PCDHGB4: variants seen among roughly 807,000 people sequenced by gnomAD.
The protein encoded by PCDHGB4 is protocadherin gamma subfamily B, 4, also known as protocadherin gamma-B4.
PCDHGB4 carries 38 observed loss-of-function variants against 60.5 expected under a neutral mutation model. That is an observed-to-expected ratio of 0.63 (90% confidence interval 0.48 to 0.82). The LOEUF is 0.82. Among genes scored for constraint, PCDHGB4 ranks in the 40% least tolerant of loss-of-function variants. PCDHGB4 has a pLI of 0.00. For missense variants in PCDHGB4, 1,109 were observed against 1,209.6 expected, an observed-to-expected ratio of 0.92 and a Z score of 1.23; for synonymous variants, 456 against 509.7, an observed-to-expected ratio of 0.89 and a Z score of 1.42.
rs777133589 is a variant in PCDHGB4, at chr5:141,390,020, C to G, written c.2136C>G (p.Arg712=). The stretch of plus-strand genomic sequence containing the variant: ...CCATGATTCTGGCCATTGCCTTGCG[C>G]CTGCGACGCTCCTCCAGCCCCGCCT... ...LVAMILAIAL[R]LRRSSSPASW... Residue 712 remains arginine (R), a synonymous_variant, in exon 1 of 4, where the codon CGC becomes CGG. Transcript: ENST00000519479. 4 of 1,613,930 alleles carry G rather than the reference C, an allele frequency of 2.5e-6. No homozygotes were observed. The African/African-American group carries it at 5.3e-5, about 22-fold the overall frequency.
intron 1 of PCDHGB4, chr5:141,423,851 C>A (rs1311833319): frequency 2.4e-6 from 3 of 1,275,940 alleles, no homozygotes; most frequent in East Asian, 3.1e-5. Context: ...TCTTTCAGAA[C>A]GTTTTTGTGA....
At chr5:141,399,581 A>G (rs375436846) in intron 1 of PCDHGB4, 20 of 1,613,788 alleles carry the variant, frequency 1.2e-5, no homozygotes, top group Non-Finnish European at 1.4e-5. Context: ...CAAGTCTCCT[A>G]CTCTATCATG....
At chr5:141,509,404 A>C (rs1248030362) in intron 3 of PCDHGB4, among the ~76,000 whole-genome samples, 3 of 152,112 alleles carry the variant, frequency 2.0e-5, no homozygotes, top group Non-Finnish European at 4.4e-5. Context: ...CAGGGCCTCC[A>C]GCAGCGAGCC....
In PCDHGB4 at chr5:141,489,621, T is replaced by C. The variant is rs765666746; in HGVS notation, c.2398-5186T>C. 29 of 1,613,978 alleles carry C rather than the reference T, an allele frequency of 1.8e-5. No individual in the cohort carries two copies. The highest frequency in any genetic ancestry group is 1.6e-4 in the Middle Eastern group (1 of 6,084). On this transcript the variant is annotated intron_variant, in intron 1 of 3. Transcript: ENST00000519479. The surrounding 1 kb of genome is among the most constrained non-coding windows in gnomAD (Gnocchi z 4.5). ...TAGAGGTAGAGATCCTGGATCTCAATGACAACTCTCCTAGCTTTGCCACCC... is the reference window on the plus strand; with the variant it reads ...TAGAGGTAGAGATCCTGGATCTCAACGACAACTCTCCTAGCTTTGCCACCC...
At chr5:141,406,255 A>G (rs1456869005) in intron 1 of PCDHGB4, among the ~76,000 whole-genome samples, 1 of 151,948 alleles carries the variant, frequency 6.6e-6, no homozygotes, top group Admixed American at 6.5e-5. Context: ...ACTGGTCTCA[A>G]ACGATCTTCC....
chr5:141,422,156 T>C, intron 1 of PCDHGB4: 2 of 1,573,504 alleles, frequency 1.3e-6, no homozygotes, highest in Non-Finnish European at 8.6e-7. Flanking sequence ...TCTCTGGATT[T>C]TGAAAAATAT....
In PCDHGB4 at chr5:141,500,954, C is replaced by T. The variant is rs536993707; in HGVS notation, c.2457-4439C>T. On this transcript the variant is annotated intron_variant, in intron 2 of 3. Coordinates refer to ENST00000519479, the MANE Select transcript of PCDHGB4 (RefSeq NM_003736.4). Reference sequence around the variant, plus strand: ...CGCCATCTCGGCTCACTGCAAGCTCCACCTCCTGGGTTCAAGCAATTCTCC... The same window carrying T: ...CGCCATCTCGGCTCACTGCAAGCTCTACCTCCTGGGTTCAAGCAATTCTCC... Among the ~76,000 whole-genome samples the T allele has an allele frequency of 2.4e-3, 358 of 152,060 alleles. 1 individual carries two copies. The highest frequency in any genetic ancestry group is 4.1e-3 in the Admixed American group (63 of 15,282).
chr5:141,441,768 T>C, intron 1 of PCDHGB4: 1 of 387,074 alleles, frequency 2.6e-6, no homozygotes. Context: ...CCTGCGCGTG[T>C]TGGTGGACGA....
At chr5:141,463,653 G>T (rs1378583183) in intron 1 of PCDHGB4, among the ~76,000 whole-genome samples, 1 of 151,764 alleles carries the variant, frequency 6.6e-6, no homozygotes. Context: ...GGGTTTCACC[G>T]TGTTAGCCAG....
At position 141,477,891 on chromosome 5, in the gene PCDHGB4, G is replaced by A. The variant is rs750359063; in HGVS notation, c.2398-16916G>A. 130 of 1,614,066 alleles carry A rather than the reference G, an allele frequency of 8.1e-5. 1 individual carries two copies. The highest frequency in any genetic ancestry group is 1.1e-4 in the Non-Finnish European group (125 of 1,180,050). On this transcript the variant is annotated intron_variant, in intron 1 of 3. Coordinates refer to ENST00000519479, the MANE Select transcript of PCDHGB4 (RefSeq NM_003736.4). The surrounding 1 kb of genome is among the most constrained non-coding windows in gnomAD (Gnocchi z 4.9). The stretch of plus-strand genomic sequence containing the variant: ...ACCTCAGCTGGCCACCTAGTGTCAC[G>A]GGTGGTAGGCTGGGACGCGGATGCA...
At chr5:141,473,169 C>T (rs141382764) in intron 1 of PCDHGB4, among the ~76,000 whole-genome samples, 2 of 152,286 alleles carry the variant, frequency 1.3e-5, no homozygotes, top group East Asian at 3.9e-4. Context: ...GGAAGGCCCA[C>T]TGGTAACTTG....
intron 1 of PCDHGB4, among the ~76,000 whole-genome samples, chr5:141,459,678 G>A (rs1240789253): frequency 2.0e-5 from 3 of 152,184 alleles, no homozygotes; most frequent in African/African-American, 7.2e-5. Flanking sequence ...CATGAGCAAT[G>A]CATAAAGCGT....
chr5:141,502,039 G>T (rs2099812498), intron 2 of PCDHGB4, among the ~76,000 whole-genome samples: 1 of 152,126 alleles, frequency 6.6e-6, no homozygotes, highest in South Asian at 2.1e-4. Context: ...CCGCTTGCCT[G>T]CTCTCCCTAC....
At chr5:141,406,109 G>C (rs2094766123) in intron 1 of PCDHGB4, among the ~76,000 whole-genome samples, 1 of 144,746 alleles carries the variant, frequency 6.9e-6, no homozygotes, top group South Asian at 2.2e-4. Flanking sequence ...GTGTCATTCT[G>C]TTGTCCAGGG....
rs757019379 is a variant in PCDHGB4 at position 141,390,006 on chromosome 5, G to T, written c.2122G>T (p.Ala708Ser). 4.5e-5 allele frequency: 73 copies of T among 1,613,888 alleles called. No individual in the cohort carries two copies. Among genetic ancestry groups the T allele is most frequent in the Admixed American group, 1.7e-5 (1 of 60,004 alleles). ...SVLFLVAMIL[A>S]IALRLRRSSS... ...GCTCTTCCTCGTGGCCATGATTCTG[G>T]CCATTGCCTTGCGCCTGCGACGCTC... The change falls in exon 1 of 4, where the codon GCC (alanine) becomes TCC (serine). Residue 708 changes from alanine (A) to serine (S), a missense_variant. Physicochemically the swap from Ala to Ser is moderately conservative, Grantham distance 99. This residue lies in a region of PCDHGB4 where 1,068 missense variants were observed against 1,089.9 expected (regional missense o/e 0.98). Transcript: ENST00000519479.
rs564197257 is a variant in PCDHGB4, at chr5:141,458,715, A to G, written c.2398-36092A>G. On this transcript the variant is annotated intron_variant, in intron 1 of 3. Coordinates refer to ENST00000519479, the MANE Select transcript of PCDHGB4 (RefSeq NM_003736.4). ...CTCCCGAGTAGCTGGGATTACAGGT[A>G]TTCGCCACCACATCCAGCTATTGGT... Among the ~76,000 whole-genome samples the G allele has an allele frequency of 3.9e-5, 6 of 152,082 alleles. No homozygotes were observed. The East Asian group carries it at 9.7e-4, about 25-fold the overall frequency.
intron 1 of PCDHGB4, among the ~76,000 whole-genome samples, chr5:141,467,628 CA>C (rs1301043003): frequency 6.6e-6 from 1 of 152,106 alleles, no homozygotes; most frequent in Non-Finnish European, 1.5e-5. Context: ...TTTGAGATAG[CA>C]TCTTTATCAT....
At chr5:141,475,815 C>T (rs2099373124) in intron 1 of PCDHGB4, 1 of 340,648 alleles carries the variant, frequency 2.9e-6, no homozygotes, top group Non-Finnish European at 5.3e-6. Flanking sequence ...AAGTGAAGTT[C>T]CTGGCGCTAG....
intron 1 of PCDHGB4, chr5:141,428,219 T>C (rs749413221): frequency 8.4e-7 from 1 of 1,195,778 alleles, no homozygotes. Context: ...CACCTAGTCT[T>C]CGCAGACAGC....
Sources: allele counts gnomAD v4.1 joint callset (sites outside exome capture counted in the v4.1 genomes callset), GRCh38; gene constraint gnomAD v4.1.1; regional missense constraint gnomAD v4.1.1; non-coding constraint Gnocchi (gnomAD v3.1); transcripts MANE v1.5; gene names NCBI Gene and HGNC (gene_info 2026-07-23, HGNC 2026-07-21).